THSD7A: variants seen among roughly 807,000 people sequenced by gnomAD.
THSD7A encodes thrombospondin type 1 domain containing 7A.
A neutral mutation model predicts 231.3 loss-of-function variants in THSD7A; 96 were observed. The ratio of observed to expected loss-of-function variants is 0.41; its 90% CI spans 0.35 to 0.49. THSD7A has a LOEUF of 0.49. Ranked by LOEUF, THSD7A falls within the 20% of genes least tolerant of loss-of-function variation. The probability of loss-of-function intolerance (pLI) is 0.05; values close to 1 mark genes in which losing one functional copy is unlikely to be tolerated. For missense variants in THSD7A, 2,290 were observed against 2,070.2 expected (o/e 1.11, Z -2.06); for synonymous variants, 940 against 743.3 (o/e 1.26, Z -4.30).
intron 1 of THSD7A, among the ~76,000 whole-genome samples, chr7:11,670,314 A>G (rs1470212888): frequency 6.6e-6 from 1 of 152,200 alleles, no homozygotes; most frequent in Non-Finnish European, 1.5e-5. Flanking sequence ...ATCCATTACC[A>G]CAGAGGAATC....
intron 4 of THSD7A, among the ~76,000 whole-genome samples, chr7:11,575,330 A>G (rs1790845760): frequency 6.6e-6 from 1 of 152,134 alleles, no homozygotes; most frequent in African/African-American, 2.4e-5. Context: ...GATTTTTGCT[A>G]TGGGTTACAA....
intron 1 of THSD7A, among the ~76,000 whole-genome samples, chr7:11,815,221 G>T (rs1257439396): frequency 1.3e-5 from 2 of 151,756 alleles, no homozygotes; most frequent in Non-Finnish European, 2.9e-5. Flanking sequence ...ACTAGATGTT[G>T]CAGTCAGCCA....
At chr7:11,480,367 G>C (rs1401149012) in intron 7 of THSD7A, among the ~76,000 whole-genome samples, 2 of 152,130 alleles carry the variant, frequency 1.3e-5, no homozygotes, top group Admixed American at 6.6e-5. Flanking sequence ...TTCATTAGTA[G>C]TCACACAGCA....
intron 6 of THSD7A, among the ~76,000 whole-genome samples, chr7:11,528,161 C>T (rs1788556540): frequency 6.6e-6 from 1 of 151,968 alleles, no homozygotes; most frequent in Non-Finnish European, 1.5e-5. Context: ...GAGTGAGACC[C>T]ATTCTCTAAA....
At chr7:11,760,989 T>A (rs771813702) in intron 1 of THSD7A, among the ~76,000 whole-genome samples, 46 of 148,660 alleles carry the variant, frequency 3.1e-4, no homozygotes, top group Non-Finnish European at 6.1e-4. Flanking sequence ...TATATAATTA[T>A]AATTTTTATA....
At chr7:11,748,523 T>G (rs562353512) in intron 1 of THSD7A, among the ~76,000 whole-genome samples, 10 of 152,086 alleles carry the variant, frequency 6.6e-5, no homozygotes, top group African/African-American at 1.7e-4. Flanking sequence ...GTATATATTC[T>G]CAATATTTCG....
intron 1 of THSD7A, among the ~76,000 whole-genome samples, chr7:11,788,926 G>T (rs1562557058): frequency 6.6e-6 from 1 of 151,796 alleles, no homozygotes; most frequent in Non-Finnish European, 1.5e-5. Flanking sequence ...TCTAGTGAGG[G>T]AAATCAGACA....
chr7:11,605,766 G>A (rs1455907342), intron 2 of THSD7A, among the ~76,000 whole-genome samples: 2 of 152,098 alleles, frequency 1.3e-5, no homozygotes, highest in South Asian at 4.1e-4. Flanking sequence ...CAAGTTTCCA[G>A]AGCAACTTCC....
intron 1 of THSD7A, among the ~76,000 whole-genome samples, chr7:11,830,049 A>C (rs1163237192): frequency 2.0e-5 from 3 of 152,206 alleles, no homozygotes; most frequent in Non-Finnish European, 4.4e-5. Context: ...TAAGGGTCAA[A>C]ATTTAAGTGA....
intron 23 of THSD7A, among the ~76,000 whole-genome samples, chr7:11,386,258 T>G (rs2115313918): frequency 6.6e-6 from 1 of 150,794 alleles, no homozygotes; most frequent in Admixed American, 6.6e-5. Context: ...AGGCCAATGG[T>G]GTTCCTGGTT....
At chr7:11,385,319 G>C (rs1460523820) in intron 23 of THSD7A, 1 of 151,794 alleles carries the variant, frequency 6.6e-6, no homozygotes, top group East Asian at 1.9e-4. Context: ...TCCTTCACTA[G>C]GTTGAAAATA....
intron 1 of THSD7A, among the ~76,000 whole-genome samples, chr7:11,690,461 C>T (rs947874477): frequency 2.6e-5 from 4 of 151,608 alleles, no homozygotes; most frequent in Non-Finnish European, 5.9e-5. Context: ...CAATTTATTC[C>T]ACTGGTTCTC....
rs1180371579 is a variant in THSD7A at position 11,637,892 on chromosome 7, A to C, written c.191-931T>G. ...TACTTTAATAGACAGATCCCAATTT[A>C]CGAAATTGAGAATTGTATTATTTTG... On this transcript the variant is annotated intron_variant, in intron 1 of 27. Transcript: ENST00000423059. This position sits in a 1 kb window ranked among gnomAD's most constrained non-coding sequence, Gnocchi z 4.2. 6.6e-6 allele frequency among the ~76,000 whole-genome samples: 1 copy of C among 152,210 alleles called. No individual in the cohort carries two copies. The highest frequency in any genetic ancestry group is 2.4e-5 in the African/African-American group (1 of 41,444).
At chr7:11,616,248 AGTT>A (rs1031638904) in intron 2 of THSD7A, among the ~76,000 whole-genome samples, 1 of 152,140 alleles carries the variant, frequency 6.6e-6, no homozygotes, top group Admixed American at 6.6e-5. Flanking sequence ...TTCTTCATAA[AGTT>A]GTTATGGTTC....
intron 2 of THSD7A, among the ~76,000 whole-genome samples, chr7:11,598,569 T>G (rs1038329091): frequency 6.6e-6 from 1 of 152,104 alleles, no homozygotes; most frequent in Non-Finnish European, 1.5e-5. Context: ...TTGCCAGCAC[T>G]TATGGGGGAA....
intron 1 of THSD7A, among the ~76,000 whole-genome samples, chr7:11,662,003 A>G (rs1782946459): frequency 6.6e-6 from 1 of 151,290 alleles, no homozygotes; most frequent in Non-Finnish European, 1.5e-5. Context: ...AGGATTAGCT[A>G]TTACATGAGA....
intron 1 of THSD7A, among the ~76,000 whole-genome samples, chr7:11,768,878 C>A (rs1783115333): frequency 6.6e-6 from 1 of 151,542 alleles, no homozygotes; most frequent in South Asian, 2.1e-4. Flanking sequence ...CCTCAGCATC[C>A]CAAGCATGCC....
intron 6 of THSD7A, among the ~76,000 whole-genome samples, chr7:11,505,203 AG>A (rs1226421936): frequency 2.0e-5 from 3 of 152,196 alleles, no homozygotes; most frequent in African/African-American, 7.2e-5. Flanking sequence ...AAATACTAGA[AG>A]ACTAAAATTC....
At chr7:11,489,564 T>A (rs1196462664) in intron 6 of THSD7A, among the ~76,000 whole-genome samples, 1 of 152,088 alleles carries the variant, frequency 6.6e-6, no homozygotes, top group Non-Finnish European at 1.5e-5. Flanking sequence ...CCAGTCTCTG[T>A]AGGAGGGCAG....
Sources: allele counts gnomAD v4.1 joint callset (sites outside exome capture counted in the v4.1 genomes callset), GRCh38; gene constraint gnomAD v4.1.1; non-coding constraint Gnocchi (gnomAD v3.1); transcripts MANE v1.5; gene names NCBI Gene and HGNC (gene_info 2026-07-23, HGNC 2026-07-21).